Variants in CHN2 observed in about 807,000 individuals in gnomAD.
CHN2 encodes beta-chimaerin.
CHN2 carries 35 observed loss-of-function variants against 56.3 expected under a neutral mutation model. The observed-to-expected ratio is 0.62, with a 90% CI of 0.47 to 0.82. CHN2 has a LOEUF of 0.82. CHN2 is among the 40% of genes least tolerant of loss of function. The pLI is 0.00. For missense variants in CHN2, 491 were observed against 580.5 expected, an observed-to-expected ratio of 0.85 and a Z score of 1.58; for synonymous variants, 210 against 212.8, an observed-to-expected ratio of 0.99 and a Z score of 0.12.
chr7:29,213,818 A>G (rs79747563), intron 1 of CHN2, among the ~76,000 whole-genome samples: 3,718 of 152,164 alleles, frequency 0.024, 58 homozygotes, highest in Non-Finnish European at 0.039. Context: ...TGAAACAACT[A>G]TTTTTCCTTT....
chr7:29,347,570 TCACC>T (rs1368016123), intron 1 of CHN2, among the ~76,000 whole-genome samples: 1 of 152,056 alleles, frequency 6.6e-6, no homozygotes, highest in Non-Finnish European at 1.5e-5. Context: ...TCGTGAAAAC[TCACC>T]CACTATCATC....
At chr7:29,248,163 A>G (rs1026653479) in intron 1 of CHN2, among the ~76,000 whole-genome samples, 6 of 152,252 alleles carry the variant, frequency 3.9e-5, no homozygotes, top group Non-Finnish European at 8.8e-5. Context: ...CTGGCCAGGC[A>G]GTTGAAAGTG....
intron 2 of CHN2, among the ~76,000 whole-genome samples, chr7:29,178,936 T>G (rs1797717005): frequency 6.6e-6 from 1 of 152,196 alleles, no homozygotes; most frequent in Non-Finnish European, 1.5e-5. Flanking sequence ...AACACACCAT[T>G]TAAGGGACAT....
At chr7:29,325,603 G>A (rs1279498643) in intron 1 of CHN2, among the ~76,000 whole-genome samples, 2 of 152,196 alleles carry the variant, frequency 1.3e-5, no homozygotes, top group African/African-American at 4.8e-5. Context: ...GTACCTCTGA[G>A]AAGGGTTATA....
chr7:29,400,167 A>G (rs867266346), intron 5 of CHN2: 2 of 235,622 alleles, frequency 8.5e-6, no homozygotes, highest in Middle Eastern at 4.5e-4. Context: ...CAGGTAACAT[A>G]GTTGTAAATC....
intron 1 of CHN2, among the ~76,000 whole-genome samples, chr7:29,340,686 A>G (rs1796980740): frequency 6.6e-6 from 1 of 152,220 alleles, no homozygotes; most frequent in African/African-American, 2.4e-5. Flanking sequence ...AAAATATAGG[A>G]CAAGATAGAG....
At chr7:29,499,609 C>T (rs1173039324) in intron 8 of CHN2, among the ~76,000 whole-genome samples, 2 of 150,760 alleles carry the variant, frequency 1.3e-5, no homozygotes, top group Non-Finnish European at 2.9e-5. Context: ...GATCAATTAC[C>T]TAAGCTGTCT....
chr7:29,410,186 A>G (rs1041857018), intron 6 of CHN2, among the ~76,000 whole-genome samples: 1 of 152,146 alleles, frequency 6.6e-6, no homozygotes, highest in Non-Finnish European at 1.5e-5. Flanking sequence ...CTGGAAGAAA[A>G]TTTTTATAAT....
At chr7:29,270,523 G>T (rs1790537797) in intron 1 of CHN2, among the ~76,000 whole-genome samples, 2 of 145,844 alleles carry the variant, frequency 1.4e-5, no homozygotes, top group South Asian at 4.4e-4. Flanking sequence ...AATTAGCCAG[G>T]CCTGGTGGTG....
chr7:29,318,655 T>C (rs1204923165), intron 1 of CHN2, among the ~76,000 whole-genome samples: 1 of 152,164 alleles, frequency 6.6e-6, no homozygotes, highest in Non-Finnish European at 1.5e-5. Context: ...GCTGCAGTTA[T>C]TTGATTTTTT....
At chr7:29,329,407 G>A (rs930602075) in intron 1 of CHN2, among the ~76,000 whole-genome samples, 99 of 107,716 alleles carry the variant, frequency 9.2e-4, no homozygotes, top group Non-Finnish European at 9.4e-4. Flanking sequence ...AAAAAAGTCA[G>A]CAATTGGGAC....
At chr7:29,217,140 A>G (rs1350785853) in intron 1 of CHN2, among the ~76,000 whole-genome samples, 1 of 152,250 alleles carries the variant, frequency 6.6e-6, no homozygotes, top group Non-Finnish European at 1.5e-5. Context: ...GGATTTGACC[A>G]GCTATACTGA....
At chr7:29,507,393 T>C (rs1484798421) in intron 11 of CHN2, 28 bp downstream of exon 11, 1 of 1,553,558 alleles carries the variant, frequency 6.4e-7, no homozygotes, top group Non-Finnish European at 8.8e-7. Flanking sequence ...ATTTTTTATT[T>C]CTACCAAATT....
At chr7:29,366,411 A>T (rs2128039171) in intron 2 of CHN2, among the ~76,000 whole-genome samples, 1 of 152,312 alleles carries the variant, frequency 6.6e-6, no homozygotes, top group Admixed American at 6.5e-5. Context: ...CCAGGATCAA[A>T]GGGTGAAGAC....
chr7:29,195,032 C>T (rs1783485991), intron 1 of CHN2, 42 bp downstream of exon 1: 2 of 1,569,522 alleles, frequency 1.3e-6, no homozygotes, highest in Non-Finnish European at 1.7e-6. Context: ...CGCCGGGTCT[C>T]GCCCCACTGC....
At chr7:29,453,418 A>C (rs1382732826) in intron 6 of CHN2, among the ~76,000 whole-genome samples, 1 of 152,178 alleles carries the variant, frequency 6.6e-6, no homozygotes, top group East Asian at 1.9e-4. Context: ...TGTTTACAGA[A>C]ATTGTCTGGG....
At position 29,480,356 on chromosome 7, in the gene CHN2, G is replaced by A. The variant is rs773777275; in HGVS notation, c.654G>A (p.Lys218=). ...HFNYEKTHNF[K]VHTFRGPHWC... is the part of the protein sequence containing the mutation. The stretch of plus-strand genomic sequence containing the variant: ...ATTATGAGAAGACACACAACTTTAA[G>A]GTAAGCAAGCCTCTGCATTCCTTCT... Residue 218 remains lysine (K), a splice_region_variant and synonymous_variant, in exon 7 of 13, where the codon AAG becomes AAA. Transcript: ENST00000222792. 6.2e-7 allele frequency: 1 copy of A among 1,614,072 alleles called. No homozygotes were observed. The highest frequency in any genetic ancestry group is 8.5e-7 in the Non-Finnish European group (1 of 1,179,904).
chr7:29,502,046 A>G (rs186528600), intron 9 of CHN2, among the ~76,000 whole-genome samples: 1 of 152,322 alleles, frequency 6.6e-6, no homozygotes, highest in Admixed American at 6.5e-5. Flanking sequence ...ACCGAGTACA[A>G]TGTCCAATCT....
At chr7:29,363,804 C>A (rs1009845896) in intron 2 of CHN2, among the ~76,000 whole-genome samples, 1 of 151,996 alleles carries the variant, frequency 6.6e-6, no homozygotes, top group African/African-American at 2.4e-5. Context: ...AGAGAGCGAG[C>A]CATGTGGATA....
Sources: gnomAD v4.1 joint callset for allele counts (sites outside exome capture counted in the v4.1 genomes callset) on GRCh38, gnomAD v4.1.1 for gene constraint, MANE v1.5 for transcripts, NCBI Gene and HGNC (gene_info 2026-07-23, HGNC 2026-07-21) for gene names.